ZNF469: variants seen among roughly 807,000 people sequenced by gnomAD.
ZNF469 encodes zinc finger protein 469.
ZNF469 carries 1 observed loss-of-function variant against 1.0 expected under a neutral mutation model. The observed-to-expected ratio is 1.00, with a 90% confidence interval of 0.35 to 4.73. The LOEUF is 4.73. Ranked by LOEUF, ZNF469 falls within the 30% of genes most tolerant of loss-of-function variation. ZNF469 has a pLI of 0.16. For synonymous variants in ZNF469, 2,703 were observed against 2,363.4 expected, an observed-to-expected ratio of 1.14 and a Z score of -4.17; for missense variants, 6,100 against 5,356.3, an observed-to-expected ratio of 1.14 and a Z score of -4.33.
the ZNF469 span, among the ~76,000 whole-genome samples, chr16:88,273,858 G>A: frequency 6.7e-6 from 1 of 149,664 alleles, no homozygotes; most frequent in Non-Finnish European, 1.5e-5. Context: ...AGGCTGGAGT[G>A]CAGTGGCGCG....
the ZNF469 span, among the ~76,000 whole-genome samples, chr16:88,280,018 ACACT>A: frequency 5.9e-5 from 9 of 151,302 alleles, no homozygotes; most frequent in South Asian, 2.1e-4. Flanking sequence ...TGCCATGCTG[ACACT>A]CAGTCAGTAC....
chr16:88,209,101 C>T, the ZNF469 span, among the ~76,000 whole-genome samples: 1 of 152,002 alleles, frequency 6.6e-6, no homozygotes, highest in Non-Finnish European at 1.5e-5. Flanking sequence ...GTCACCTGCC[C>T]CCTCTTTTTT....
the ZNF469 span, among the ~76,000 whole-genome samples, chr16:88,237,197 T>TC: frequency 3.4e-4 from 18 of 53,580 alleles, no homozygotes; most frequent in Non-Finnish European, 5.9e-4. Flanking sequence ...CTCCCTGCCC[T>TC]CTGTGCTCCT....
At chr16:88,352,507 G>C in the ZNF469 span, among the ~76,000 whole-genome samples, 5 of 152,254 alleles carry the variant, frequency 3.3e-5, no homozygotes, top group Admixed American at 3.3e-4. Flanking sequence ...TGGGCACCAT[G>C]GCTCAGCACC....
At chr16:88,102,421 G>A in the ZNF469 span, among the ~76,000 whole-genome samples, 1 of 152,252 alleles carries the variant, frequency 6.6e-6, no homozygotes, top group Non-Finnish European at 1.5e-5. Flanking sequence ...TCAGGAGGCT[G>A]AACCTGGGAG....
the ZNF469 span, among the ~76,000 whole-genome samples, chr16:88,198,514 G>C: frequency 1.3e-5 from 2 of 152,248 alleles, no homozygotes; most frequent in African/African-American, 4.8e-5. Context: ...AATGCAGCTG[G>C]TGCAGCTAAG....
the ZNF469 span, among the ~76,000 whole-genome samples, chr16:88,251,538 CTTTTTTTTTTTTTTTTTTTTTTTT>C: frequency 3.9e-5 from 2 of 51,238 alleles, no homozygotes; most frequent in African/African-American, 9.7e-5. Flanking sequence ...TCCCTGCTGT[CTTTTTTTTTTTTTTTTTTTTTTTT>C]TTTTTTTTTT....
At chr16:88,120,064 G>A in the ZNF469 span, among the ~76,000 whole-genome samples, 1 of 152,232 alleles carries the variant, frequency 6.6e-6, no homozygotes, top group East Asian at 1.9e-4. Flanking sequence ...GCCTGGGAGG[G>A]TGGAGGCTGC....
chr16:88,438,451 C>T lies in ZNF469; in HGVS notation c.10981C>T (p.Pro3661Ser). 6.5e-7 allele frequency: 1 copy of T among 1,549,972 alleles called. No homozygotes were observed. Reference sequence around the variant, plus strand: ...AAGCCACATGGTGTCTGAGGGGGGGCCCCGAGGCGCCTTCCACAAGGGCAG... The same window carrying T: ...AAGCCACATGGTGTCTGAGGGGGGGTCCCGAGGCGCCTTCCACAAGGGCAG... ...SSSHMVSEGG[P>S]RGAFHKGSAT... Residue 3661 changes from proline to serine, a missense_variant, in exon 3 of 3, where the codon CCC becomes TCC. By Grantham distance (74) the Pro-to-Ser change is moderately conservative. Coordinates refer to ENST00000565624, the MANE Select transcript of ZNF469 (RefSeq NM_001367624.2).
the ZNF469 span, among the ~76,000 whole-genome samples, chr16:88,318,389 T>C: frequency 6.6e-6 from 1 of 151,662 alleles, no homozygotes; most frequent in Non-Finnish European, 1.5e-5. Flanking sequence ...TCTGTGCCCA[T>C]TCGGTAAGCG....
the ZNF469 span, among the ~76,000 whole-genome samples, chr16:88,267,638 A>G: frequency 6.6e-6 from 1 of 151,906 alleles, no homozygotes; most frequent in Non-Finnish European, 1.5e-5. Flanking sequence ...GTCACCACAC[A>G]GGGCCCCCAG....
chr16:88,159,836 A>G, the ZNF469 span, among the ~76,000 whole-genome samples: 4 of 152,142 alleles, frequency 2.6e-5, no homozygotes, highest in African/African-American at 9.7e-5. Context: ...GTCATCCCAC[A>G]AAGCAAGGAT....
chr16:88,325,682 G>A, the ZNF469 span, among the ~76,000 whole-genome samples: 1 of 152,228 alleles, frequency 6.6e-6, no homozygotes, highest in Non-Finnish European at 1.5e-5. Flanking sequence ...GACCCCCTAA[G>A]GGAAAGTGAC....
intron 1 of ZNF469, among the ~76,000 whole-genome samples, chr16:88,422,187 G>A (rs1438371576): frequency 6.7e-6 from 1 of 150,270 alleles, no homozygotes; most frequent in African/African-American, 2.5e-5. Flanking sequence ...AGGATGGGGG[G>A]ACGGGCACGT....
the ZNF469 span, among the ~76,000 whole-genome samples, chr16:88,277,508 G>A: frequency 1.9e-4 from 5 of 27,006 alleles, no homozygotes; most frequent in Admixed American, 7.8e-4. Context: ...GGTCAGTACC[G>A]TGTAGATATC....
chr16:88,362,280 A>G, the ZNF469 span, among the ~76,000 whole-genome samples: 14 of 152,326 alleles, frequency 9.2e-5, no homozygotes, highest in South Asian at 2.7e-3. Flanking sequence ...TAGAATGTCA[A>G]AATGTGGAAA....
At chr16:88,192,896 T>A in the ZNF469 span, among the ~76,000 whole-genome samples, 1 of 151,866 alleles carries the variant, frequency 6.6e-6, no homozygotes, top group Non-Finnish European at 1.5e-5. Flanking sequence ...GTGGTGGTGA[T>A]GGTGGTGATG....
At chr16:88,242,791 A>C in the ZNF469 span, among the ~76,000 whole-genome samples, 2 of 152,244 alleles carry the variant, frequency 1.3e-5, no homozygotes, top group African/African-American at 4.8e-5. Context: ...CACTGTCTCT[A>C]AAGCCCAGGG....
Position 88,434,690 on chromosome 16 carries a change from G to T in ZNF469, c.7220G>T (p.Arg2407Ile). 6.4e-7 allele frequency: 1 copy of T among 1,550,398 alleles called. No homozygotes were observed. The highest frequency in any genetic ancestry group is 8.7e-7 in the Non-Finnish European group (1 of 1,146,978). Residue 2407 changes from arginine to isoleucine, a missense_variant, in exon 3 of 3, where the codon AGA becomes ATA. Transcript: ENST00000565624. ...TCPSTGLGLGRTTAPSSTASD... is the reference protein window; with the variant it reads ...TCPSTGLGLGITTAPSSTASD... The stretch of plus-strand genomic sequence containing the variant: ...CCTTCCACAGGACTGGGCTTGGGAA[G>T]AACCACAGCCCCAAGCAGCACAGCC...
Sources: gnomAD v4.1 joint callset for allele counts (sites outside exome capture counted in the v4.1 genomes callset) on GRCh38, gnomAD v4.1.1 for gene constraint, MANE v1.5 for transcripts, NCBI Gene and HGNC (gene_info 2026-07-23, HGNC 2026-07-21) for gene names.